The following DGKB variants were observed in gnomAD, a reference collection of about 807,000 sequenced individuals.
DGKB encodes the protein 90 kDa diacylglycerol kinase.
DGKB carries 67 observed loss-of-function variants against 114.3 expected under a neutral mutation model. The ratio of observed to expected loss-of-function variants is 0.59; its 90% CI spans 0.48 to 0.72. DGKB has a LOEUF of 0.72. DGKB is among the 30% of genes least tolerant of loss of function. The probability of loss-of-function intolerance (pLI) is 0.00; values close to 1 mark genes in which losing one functional copy is unlikely to be tolerated. For missense variants in DGKB, 907 were observed against 975.2 expected, an observed-to-expected ratio of 0.93 and a Z score of 0.93; for synonymous variants, 398 against 323.1, an observed-to-expected ratio of 1.23 and a Z score of -2.49.
intron 23 of DGKB, among the ~76,000 whole-genome samples, chr7:14,293,875 C>A (rs547332357): frequency 1.4e-4 from 21 of 152,278 alleles, no homozygotes; most frequent in African/African-American, 5.1e-4. Flanking sequence ...TTTGTACAGT[C>A]TGATTTTCTT....
intron 18 of DGKB, among the ~76,000 whole-genome samples, chr7:14,582,645 G>A (rs1308475092): frequency 1.3e-5 from 2 of 152,184 alleles, no homozygotes; most frequent in African/African-American, 2.4e-5. Context: ...GGATGATAAC[G>A]ATACAAATGT....
intron 20 of DGKB, among the ~76,000 whole-genome samples, chr7:14,523,471 T>C (rs1307952584): frequency 1.3e-5 from 2 of 152,176 alleles, no homozygotes; most frequent in South Asian, 2.1e-4. Context: ...TTCCTTCTTA[T>C]AGTTCAGTCA....
chr7:14,344,888 C>A (rs1305743510), intron 22 of DGKB, among the ~76,000 whole-genome samples: 3 of 151,504 alleles, frequency 2.0e-5, no homozygotes, highest in Non-Finnish European at 4.4e-5. Flanking sequence ...ACTTTTTAAC[C>A]TTTATTCATA....
intron 23 of DGKB, among the ~76,000 whole-genome samples, chr7:14,320,982 G>C (rs191608013): frequency 6.6e-6 from 1 of 152,180 alleles, no homozygotes; most frequent in Non-Finnish European, 1.5e-5. Flanking sequence ...AGGAATACAC[G>C]GTTGCTTTAA....
intron 13 of DGKB, among the ~76,000 whole-genome samples, chr7:14,660,751 T>A (rs1321122987): frequency 6.6e-6 from 1 of 151,888 alleles, no homozygotes; most frequent in Non-Finnish European, 1.5e-5. Context: ...GCCAAGTCAA[T>A]CCTGAGCCAA....
At chr7:14,255,708 C>T (rs1795867346) in intron 23 of DGKB, among the ~76,000 whole-genome samples, 1 of 151,848 alleles carries the variant, frequency 6.6e-6, no homozygotes, top group Non-Finnish European at 1.5e-5. Flanking sequence ...GTAAAAAAGC[C>T]CTTCATCTTT....
At chr7:14,298,023 G>T (rs570236055) in intron 23 of DGKB, among the ~76,000 whole-genome samples, 2 of 152,108 alleles carry the variant, frequency 1.3e-5, no homozygotes, top group African/African-American at 4.8e-5. Context: ...TCTTCAAGGA[G>T]AACTGCAAAC....
chr7:14,652,948 T>C (rs1327091345), intron 13 of DGKB, among the ~76,000 whole-genome samples: 10 of 151,528 alleles, frequency 6.6e-5, no homozygotes, highest in African/African-American at 1.7e-4. Flanking sequence ...ATCAAAACCA[T>C]AATGAGATAC....
intron 6 of DGKB, among the ~76,000 whole-genome samples, chr7:14,718,165 A>G (rs1290242013): frequency 6.6e-6 from 1 of 152,190 alleles, no homozygotes; most frequent in Non-Finnish European, 1.5e-5. Context: ...TTGCATATTT[A>G]CAGGCAATTT....
chr7:14,899,776 G>A (rs1419538898), intron 1 of DGKB, among the ~76,000 whole-genome samples: 1 of 152,068 alleles, frequency 6.6e-6, no homozygotes, highest in African/African-American at 2.4e-5. Context: ...ATCAGAGAAG[G>A]AAGATCTCTC....
At chr7:14,270,842 G>C (rs538537332) in intron 23 of DGKB, among the ~76,000 whole-genome samples, 73 of 152,162 alleles carry the variant, frequency 4.8e-4, no homozygotes, top group African/African-American at 1.7e-3. Flanking sequence ...AGGGGGGTGG[G>C]GTAGAAGGGT....
intron 13 of DGKB, among the ~76,000 whole-genome samples, chr7:14,671,270 CAG>C (rs993855221): frequency 6.6e-6 from 1 of 151,940 alleles, no homozygotes; most frequent in Admixed American, 6.6e-5. Context: ...TCCAGAGAAA[CAG>C]AGAAAGGACC....
chr7:14,778,031 T>TTCATA (rs1183607635), intron 2 of DGKB, among the ~76,000 whole-genome samples: 5 of 152,186 alleles, frequency 3.3e-5, no homozygotes, highest in African/African-American at 1.2e-4. Flanking sequence ...TAATTCAGAT[T>TTCATA]TCATATCACC....
intron 1 of DGKB, among the ~76,000 whole-genome samples, chr7:14,956,806 G>T (rs538258197): frequency 6.6e-6 from 1 of 151,972 alleles, no homozygotes. Flanking sequence ...GTGAATTTTT[G>T]TTTGTATCTG....
At chr7:14,643,922 C>T (rs964380021) in intron 13 of DGKB, among the ~76,000 whole-genome samples, 1 of 152,142 alleles carries the variant, frequency 6.6e-6, no homozygotes, top group Admixed American at 6.5e-5. Context: ...CGCACCTTTG[C>T]ACACCATTTA....
At chr7:14,273,701 C>G (rs542738381) in intron 23 of DGKB, among the ~76,000 whole-genome samples, 10 of 152,166 alleles carry the variant, frequency 6.6e-5, no homozygotes, top group African/African-American at 9.7e-5. Flanking sequence ...TCTCCACTGG[C>G]TAAGCTCATT....
intron 16 of DGKB, among the ~76,000 whole-genome samples, chr7:14,610,582 T>G (rs1805366970): frequency 6.6e-6 from 1 of 152,216 alleles, no homozygotes; most frequent in Admixed American, 6.6e-5. Context: ...AAAATATGAT[T>G]ATTTTATAAA....
intron 1 of DGKB, among the ~76,000 whole-genome samples, chr7:14,845,272 T>G (rs1419593651): frequency 6.6e-5 from 10 of 152,158 alleles, no homozygotes; most frequent in African/African-American, 2.4e-4. Flanking sequence ...ACCTGGTTAT[T>G]GAATTTAAAA....
intron 2 of DGKB, among the ~76,000 whole-genome samples, chr7:14,811,744 C>G (rs181047775): frequency 6.6e-6 from 1 of 151,872 alleles, no homozygotes; most frequent in East Asian, 1.9e-4. Flanking sequence ...ATTGGGCTAT[C>G]CCTTATTTTG....
Sources: gnomAD v4.1 joint callset for allele counts (sites outside exome capture counted in the v4.1 genomes callset) on GRCh38, gnomAD v4.1.1 for gene constraint, MANE v1.5 for transcripts, NCBI Gene and HGNC (gene_info 2026-07-23, HGNC 2026-07-21) for gene names.